SGIP1: variants seen among roughly 807,000 people sequenced by gnomAD.
SGIP1 encodes SH3GL interacting endocytic adaptor 1, also known as SH3-containing GRB2-like protein 3-interacting protein 1.
Under a neutral mutation model 107.5 loss-of-function variants are expected in SGIP1, and 38 were observed. The observed-to-expected ratio is 0.35, with a 90% CI of 0.27 to 0.46. The LOEUF (loss-of-function observed/expected upper bound fraction) is 0.46. SGIP1 is among the 20% of genes least tolerant of loss of function. The pLI, the probability that SGIP1 is intolerant of heterozygous loss-of-function variation, is 1.00. For missense variants in SGIP1, 929 were observed against 1,019.5 expected, an observed-to-expected ratio of 0.91 and a Z score of 1.21; for synonymous variants, 365 against 366.1, an observed-to-expected ratio of 1.00 and a Z score of 0.03.
intron 1 of SGIP1, among the ~76,000 whole-genome samples, chr1:66,579,450 A>G (rs2061522848): frequency 6.6e-6 from 1 of 152,220 alleles, no homozygotes; most frequent in African/African-American, 2.4e-5. Context: ...ACATGAGACT[A>G]TGGCAGAGGG....
intron 5 of SGIP1, 31 bp downstream of exon 5, chr1:66,639,864 A>G (rs1353893843): frequency 4.4e-6 from 7 of 1,579,358 alleles, no homozygotes; most frequent in Non-Finnish European, 6.1e-6. Flanking sequence ...TCTCTTTATT[A>G]AGTATTTTAC....
At chr1:66,702,722 T>G (rs760725832) in intron 18 of SGIP1, among the ~76,000 whole-genome samples, 5 of 152,224 alleles carry the variant, frequency 3.3e-5, no homozygotes, top group Non-Finnish European at 4.4e-5. Flanking sequence ...TAATGTAGTT[T>G]CTTCCTCTTA....
chr1:66,717,818 A>G (rs2093329158), intron 18 of SGIP1, among the ~76,000 whole-genome samples: 1 of 152,176 alleles, frequency 6.6e-6, no homozygotes, highest in South Asian at 2.1e-4. Flanking sequence ...TAGGCAATAT[A>G]TGTAAAACAC....
At chr1:66,730,908 C>T (rs2093979518) in intron 20 of SGIP1, among the ~76,000 whole-genome samples, 1 of 152,166 alleles carries the variant, frequency 6.6e-6, no homozygotes, top group Non-Finnish European at 1.5e-5. Context: ...CCTTTAGTCT[C>T]AGCTCTACTC....
At chr1:66,722,875 G>A (rs1276823685) in intron 19 of SGIP1, among the ~76,000 whole-genome samples, 1 of 152,108 alleles carries the variant, frequency 6.6e-6, no homozygotes, top group African/African-American at 2.4e-5. Context: ...CAATGACATG[G>A]CACTTGAGCC....
intron 1 of SGIP1, among the ~76,000 whole-genome samples, chr1:66,549,461 C>T (rs1019386038): frequency 4.6e-5 from 7 of 152,024 alleles, no homozygotes; most frequent in African/African-American, 1.7e-4. Context: ...ATGGGATTCT[C>T]GAAGAGCTTT....
At chr1:66,540,913 T>C (rs1207940033) in intron 1 of SGIP1, among the ~76,000 whole-genome samples, 2 of 152,226 alleles carry the variant, frequency 1.3e-5, no homozygotes, top group African/African-American at 4.8e-5. Context: ...TCTAACAGTC[T>C]CTGGCATTTT....
chr1:66,546,338 A>T (rs539399934), intron 1 of SGIP1, among the ~76,000 whole-genome samples: 2 of 152,288 alleles, frequency 1.3e-5, no homozygotes, highest in African/African-American at 4.8e-5. Context: ...ATTTCCTCTG[A>T]TTTTAAGAGG....
intron 18 of SGIP1, among the ~76,000 whole-genome samples, chr1:66,702,832 G>T (rs1319026049): frequency 6.6e-6 from 1 of 152,144 alleles, no homozygotes; most frequent in Non-Finnish European, 1.5e-5. Flanking sequence ...CATTTGCTTT[G>T]CTCAAGATTG....
intron 1 of SGIP1, among the ~76,000 whole-genome samples, chr1:66,615,696 C>T (rs968693129): frequency 2.0e-5 from 3 of 151,910 alleles, no homozygotes; most frequent in Non-Finnish European, 2.9e-5. Context: ...TCTGTTTATG[C>T]CTAAAAAGTC....
At chr1:66,622,634 G>A (rs1213510973) in intron 1 of SGIP1, among the ~76,000 whole-genome samples, 1 of 152,214 alleles carries the variant, frequency 6.6e-6, no homozygotes, top group African/African-American at 2.4e-5. Context: ...ATTTGGTGGA[G>A]AAGTTAGAGG....
chr1:66,701,703 A>G (rs189561512), intron 18 of SGIP1, among the ~76,000 whole-genome samples: 11 of 152,180 alleles, frequency 7.2e-5, no homozygotes, highest in Non-Finnish European at 1.0e-4. Context: ...AAATTTTGAC[A>G]TTGACCAGCA....
In SGIP1 at chr1:66,748,147, T is replaced by A. The variant is rs1038950110; in HGVS notation, c.*5052T>A. The A allele has an allele frequency of 1.3e-4, 20 of 152,114 alleles. No individual in the cohort carries two copies. Among genetic ancestry groups the A allele is most frequent in the African/African-American group, 4.1e-4 (17 of 41,564 alleles). 9.4% of individuals were successfully genotyped at this position (152,114 alleles called of 1,614,324 possible). On this transcript the variant is annotated 3_prime_UTR_variant, in exon 25 of 25. Transcript: ENST00000371037. The stretch of plus-strand genomic sequence containing the variant: ...TTCCCTGCTCCTTTAGGCTTTTTTT[T>A]CATGTGGAAAACAGTATCTAAATGC...
chr1:66,738,957 G>C (rs2094356418), intron 21 of SGIP1, among the ~76,000 whole-genome samples: 1 of 152,110 alleles, frequency 6.6e-6, no homozygotes, highest in South Asian at 2.1e-4. Flanking sequence ...GATGAGGGAA[G>C]TACAGAAGCT....
chr1:66,718,852 G>A (rs2093382562), intron 18 of SGIP1, among the ~76,000 whole-genome samples: 1 of 152,124 alleles, frequency 6.6e-6, no homozygotes, highest in East Asian at 1.9e-4. Context: ...AGTGGGTAAT[G>A]TGATACCACT....
chr1:66,675,386 C>G (rs993651348), intron 12 of SGIP1, among the ~76,000 whole-genome samples: 1 of 152,098 alleles, frequency 6.6e-6, no homozygotes, highest in Non-Finnish European at 1.5e-5. Flanking sequence ...ATGATTTCAG[C>G]CCCTGAACTT....
upstream of SGIP1, chr1:66,534,071 G>T (rs12081943): frequency 1.7e-3 from 899 of 515,190 alleles, 9 homozygotes; most frequent in African/African-American, 0.016. Flanking sequence ...CATGTGACGC[G>T]GTCCAAAGCT....
chr1:66,687,606 C>A (rs781255931), intron 15 of SGIP1, among the ~76,000 whole-genome samples: 1 of 152,138 alleles, frequency 6.6e-6, no homozygotes, highest in Non-Finnish European at 1.5e-5. Context: ...CATTTAAGAG[C>A]GTGAGCTTTG....
At chr1:66,638,241 C>T (rs1402340938) in intron 4 of SGIP1, among the ~76,000 whole-genome samples, 1 of 152,032 alleles carries the variant, frequency 6.6e-6, no homozygotes, top group Non-Finnish European at 1.5e-5. Flanking sequence ...AAAATAGGAG[C>T]CCTGTCTATT....
Sources: allele counts gnomAD v4.1 joint callset (sites outside exome capture counted in the v4.1 genomes callset), GRCh38; gene constraint gnomAD v4.1.1; transcripts MANE v1.5; gene names NCBI Gene and HGNC (gene_info 2026-07-23, HGNC 2026-07-21).